The following ANKS1B variants were observed in gnomAD, a reference collection of about 807,000 sequenced individuals.
The protein encoded by ANKS1B is ankyrin repeat and sterile alpha motif domain containing 1B.
In ANKS1B, 36 loss-of-function variants were observed where a neutral mutation model predicts 148.3. The ratio of observed to expected loss-of-function variants is 0.24; its 90% CI spans 0.19 to 0.32. The LOEUF (loss-of-function observed/expected upper bound fraction) is 0.32, where lower values mean the gene tolerates loss of function less well. ANKS1B is among the 10% of genes least tolerant of loss of function. ANKS1B has a pLI of 1.00. For missense variants in ANKS1B, 1,157 were observed against 1,542.6 expected, an observed-to-expected ratio of 0.75 and a Z score of 4.19; for synonymous variants, 542 against 560.8, an observed-to-expected ratio of 0.97 and a Z score of 0.47.
At chr12:99,217,652 G>GT (rs983238412) in intron 14 of ANKS1B, among the ~76,000 whole-genome samples, 21 of 150,602 alleles carry the variant, frequency 1.4e-4, no homozygotes, top group African/African-American at 1.9e-4. Context: ...ATCTCTTTCA[G>GT]TTTTTTTTTG....
At chr12:99,303,193 G>A (rs546447250) in intron 12 of ANKS1B, among the ~76,000 whole-genome samples, 2 of 152,254 alleles carry the variant, frequency 1.3e-5, no homozygotes, top group South Asian at 4.1e-4. Flanking sequence ...GTTACATGGG[G>A]AAGGTGTATA....
rs371837684 is a variant in ANKS1B at position 99,130,318 on chromosome 12, A to AT, written c.2526+23970dup. ...AAGCTGGGAGAGTAAAATTTAATTG[A>AT]TTTTTTTTCTTCTGCAGCTCTTGAA... On this transcript the variant is annotated intron_variant, in intron 15 of 26. Transcript: ENST00000683438. 1.2e-4 allele frequency among the ~76,000 whole-genome samples: 18 copies of AT among 152,048 alleles called. No individual in the cohort carries two copies. In the East Asian group the frequency reaches 3.3e-3, roughly 28 times the overall value.
At chr12:99,885,382 G>A (rs1474186482) in intron 1 of ANKS1B, among the ~76,000 whole-genome samples, 1 of 146,386 alleles carries the variant, frequency 6.8e-6, no homozygotes, top group African/African-American at 2.5e-5. Flanking sequence ...CTCACTGCAA[G>A]CTCTGCCTCC....
At chr12:98,981,317 T>A (rs2099910125) in intron 17 of ANKS1B, among the ~76,000 whole-genome samples, 1 of 151,732 alleles carries the variant, frequency 6.6e-6, no homozygotes, top group Non-Finnish European at 1.5e-5. Flanking sequence ...TTCAGTTTTT[T>A]TTTCTTTTGT....
At chr12:99,073,957 G>A (rs1438405153) in intron 16 of ANKS1B, among the ~76,000 whole-genome samples, 2 of 152,178 alleles carry the variant, frequency 1.3e-5, no homozygotes, top group Non-Finnish European at 2.9e-5. Flanking sequence ...ATAGGACTGG[G>A]ACTTAGTTTC....
At chr12:99,013,485 T>C (rs2099940642) in intron 17 of ANKS1B, among the ~76,000 whole-genome samples, 1 of 152,150 alleles carries the variant, frequency 6.6e-6, no homozygotes, top group Non-Finnish European at 1.5e-5. Context: ...CCACTCCTAT[T>C]CAACATAATA....
In ANKS1B at chr12:99,664,502, G is replaced by A. The variant is rs552850519; in HGVS notation, c.1129-9292C>T. Among the ~76,000 whole-genome samples, 15 of 152,162 alleles carry A rather than the reference G, an allele frequency of 9.9e-5. No homozygotes were observed. In the South Asian group the frequency reaches 1.9e-3, roughly 19 times the overall value. On this transcript the variant is annotated intron_variant, in intron 8 of 26. Transcript: ENST00000683438. ...GTATGTAGAATCCTCCACAGTCAGC[G>A]TACAGTATGGCATTTTCAAAAAGCT...
rs1261606494 is a variant in ANKS1B at position 99,928,253 on chromosome 12, A to ATTATT, written c.134+55846_134+55850dup. Among the ~76,000 whole-genome samples the ATTATT allele has an allele frequency of 1.7e-3, 239 of 139,598 alleles. 1 individual carries two copies. Among genetic ancestry groups the ATTATT allele is most frequent in the Middle Eastern group, 3.6e-3 (1 of 278 alleles). The allele number at this position is 139,598 out of a possible 152,430, so 91.6% of individuals were successfully genotyped here. ...TTGAATTCAAAGTCTTCAACCACCTATTATTTTATTTTATTTTATTTTTTT... is the reference window on the plus strand; with the variant it reads ...TTGAATTCAAAGTCTTCAACCACCTATTATTTTATTTTATTTTATTTTATTTTTTT... On this transcript the variant is annotated intron_variant, in intron 1 of 26. Coordinates refer to ENST00000683438, the MANE Select transcript of ANKS1B (RefSeq NM_001352186.2).
At chr12:99,750,473 T>C (rs532215604) in intron 8 of ANKS1B, among the ~76,000 whole-genome samples, 2 of 152,214 alleles carry the variant, frequency 1.3e-5, no homozygotes, top group East Asian at 1.9e-4. Context: ...TCAACATGTA[T>C]ATGGAGAAAA....
chr12:99,123,323 A>G (rs925542347), intron 15 of ANKS1B, among the ~76,000 whole-genome samples: 4 of 152,166 alleles, frequency 2.6e-5, no homozygotes, highest in African/African-American at 7.2e-5. Context: ...TAGCTAAGTC[A>G]TGGAAGAACG....
At chr12:99,794,166 C>A (rs1042074920) in intron 4 of ANKS1B, among the ~76,000 whole-genome samples, 1 of 151,684 alleles carries the variant, frequency 6.6e-6, no homozygotes, top group African/African-American at 2.4e-5. Context: ...AAATGTTAAG[C>A]AATAACAAAT....
chr12:99,544,556 T>C (rs933274677), intron 9 of ANKS1B, among the ~76,000 whole-genome samples: 3 of 152,182 alleles, frequency 2.0e-5, no homozygotes, highest in African/African-American at 7.2e-5. Context: ...GAACACAGTA[T>C]GAGCTTTCTT....
chr12:99,498,015 C>T (rs1481522825), intron 10 of ANKS1B, among the ~76,000 whole-genome samples: 1 of 152,116 alleles, frequency 6.6e-6, no homozygotes, highest in Non-Finnish European at 1.5e-5. Context: ...TCCTTGACCC[C>T]TTATTGTCCA....
At chr12:99,963,874 A>T (rs2095449849) in intron 1 of ANKS1B, among the ~76,000 whole-genome samples, 1 of 152,240 alleles carries the variant, frequency 6.6e-6, no homozygotes, top group African/African-American at 2.4e-5. Context: ...ATATAACAAG[A>T]AAAACCTACT....
At chr12:99,150,946 CT>C (rs2074701428) in intron 15 of ANKS1B, among the ~76,000 whole-genome samples, 1 of 152,048 alleles carries the variant, frequency 6.6e-6, no homozygotes, top group South Asian at 2.1e-4. Context: ...GAAGGGGCTT[CT>C]GGTTTTAACA....
intron 12 of ANKS1B, among the ~76,000 whole-genome samples, chr12:99,358,429 G>A (rs1405265513): frequency 2.0e-5 from 3 of 151,814 alleles, no homozygotes; most frequent in Non-Finnish European, 4.4e-5. Context: ...AAATATCATG[G>A]TTTTTATATT....
intron 1 of ANKS1B, among the ~76,000 whole-genome samples, chr12:99,825,869 G>T (rs2153683740): frequency 6.6e-6 from 1 of 152,204 alleles, no homozygotes; most frequent in South Asian, 2.1e-4. Context: ...ATTGCAACCA[G>T]GAAAATGTAA....
At chr12:99,328,536 T>C (rs1237538737) in intron 12 of ANKS1B, among the ~76,000 whole-genome samples, 1 of 151,956 alleles carries the variant, frequency 6.6e-6, no homozygotes, top group Non-Finnish European at 1.5e-5. Context: ...CAGCAGGAAA[T>C]AATTGGCCTT....
At chr12:99,375,966 C>T (rs1159132609) in intron 12 of ANKS1B, among the ~76,000 whole-genome samples, 1 of 152,192 alleles carries the variant, frequency 6.6e-6, no homozygotes, top group African/African-American at 2.4e-5. Context: ...AATATTGTCA[C>T]ATGGAACTAA....
Sources: gnomAD v4.1 joint callset for allele counts (sites outside exome capture counted in the v4.1 genomes callset) on GRCh38, gnomAD v4.1.1 for gene constraint, MANE v1.5 for transcripts, NCBI Gene and HGNC (gene_info 2026-07-23, HGNC 2026-07-21) for gene names.